Variants in PAPPA observed in about 807,000 individuals in gnomAD.
PAPPA encodes pappalysin 1.
PAPPA carries 60 observed loss-of-function variants against 164.0 expected under a neutral mutation model. The ratio of observed to expected loss-of-function variants is 0.37; its 90% CI spans 0.30 to 0.45. The LOEUF (loss-of-function observed/expected upper bound fraction) is 0.45, where lower values mean the gene tolerates loss of function less well. Among genes scored for constraint, PAPPA ranks in the 20% least tolerant of loss-of-function variants. The probability of loss-of-function intolerance (pLI) is 1.00; values close to 1 mark genes in which losing one functional copy is unlikely to be tolerated. For synonymous variants in PAPPA, 875 were observed against 814.1 expected (o/e 1.07, Z -1.27); for missense variants, 1,782 against 2,087.3 (o/e 0.85, Z 2.85).
chr9:116,361,060 T>A (rs895737800), intron 17 of PAPPA, among the ~76,000 whole-genome samples: 1 of 152,144 alleles, frequency 6.6e-6, no homozygotes, highest in African/African-American at 2.4e-5. Flanking sequence ...CCTTCACAAA[T>A]GCAGGCAATT....
chr9:116,271,449 A>G lies in PAPPA; in HGVS notation c.2953+33A>G, dbSNP rs1845135068. 1 of 1,453,978 alleles carries G rather than the reference A, an allele frequency of 6.9e-7. No individual in the cohort carries two copies. 90.1% of individuals were successfully genotyped at this position (1,453,978 alleles called of 1,614,324 possible). A position where few individuals can be genotyped will look rare whatever the true frequency, so the allele number is the denominator to read the frequency against. Reference sequence around the variant, plus strand: ...TTTTTCATTTCTTGTGGCCTTCATGAAGAAATGAACGGTGCAGAATGGTTG... The same window carrying G: ...TTTTTCATTTCTTGTGGCCTTCATGGAGAAATGAACGGTGCAGAATGGTTG... On this transcript the variant is annotated intron_variant, in intron 9 of 21. Transcript: ENST00000328252. The surrounding 1 kb of genome is among the most constrained non-coding windows in gnomAD (Gnocchi z 4.2).
In PAPPA at chr9:116,239,680, AC is replaced by A. The variant is rs1844713765; in HGVS notation, c.2732+4045del. Among the ~76,000 whole-genome samples, 6 of 152,164 alleles carry A rather than the reference AC, an allele frequency of 3.9e-5. No homozygotes were observed. In the South Asian group the frequency reaches 1.2e-3, roughly 32 times the overall value. ...TTAAATTCAGAGAGTAATTAAACTA[AC>A]CTCATACAGCTAGTAATGACATAGA... On this transcript the variant is annotated intron_variant, in intron 7 of 21. Transcript: ENST00000328252.
chr9:116,211,619 C>T lies in PAPPA; in HGVS notation c.1625-20C>T, dbSNP rs1172693428. Reference sequence around the variant, plus strand: ...AGCAGAGTACCTAGTTTGCCTGATTCTCTGGATTTCCCCTTACAGGTGGCA... The same window carrying T: ...AGCAGAGTACCTAGTTTGCCTGATTTTCTGGATTTCCCCTTACAGGTGGCA... On this transcript the variant is annotated intron_variant, in intron 3 of 21. Coordinates refer to ENST00000328252, the MANE Select transcript of PAPPA (RefSeq NM_002581.5). 1.2e-6 allele frequency: 2 copies of T among 1,608,610 alleles called. No homozygotes were observed. The highest frequency in any genetic ancestry group is 1.7e-6 in the Non-Finnish European group (2 of 1,175,598).
At chr9:116,364,140 AG>A (rs1846467935) in intron 18 of PAPPA, among the ~76,000 whole-genome samples, 1 of 152,230 alleles carries the variant, frequency 6.6e-6, no homozygotes, top group South Asian at 2.1e-4. Context: ...CACCATCCCA[AG>A]GCCAACACTT....
chr9:116,280,501 G>A (rs1200111439), intron 9 of PAPPA, among the ~76,000 whole-genome samples: 1 of 152,206 alleles, frequency 6.6e-6, no homozygotes, highest in Non-Finnish European at 1.5e-5. Context: ...AACTTTTGAA[G>A]AGGGAAAAGC....
intron 21 of PAPPA, among the ~76,000 whole-genome samples, chr9:116,385,043 C>T (rs1052037850): frequency 6.6e-6 from 1 of 151,760 alleles, no homozygotes; most frequent in African/African-American, 2.4e-5. Context: ...AGACCAGCCT[C>T]GCCAAGATGG....
chr9:116,337,167 A>G (rs914803701), intron 13 of PAPPA, among the ~76,000 whole-genome samples: 1 of 152,126 alleles, frequency 6.6e-6, no homozygotes, highest in African/African-American at 2.4e-5. Context: ...GACCCATGTG[A>G]TGATTTATTC....
chr9:116,258,543 C>T (rs1844960692), intron 7 of PAPPA, among the ~76,000 whole-genome samples: 1 of 151,918 alleles, frequency 6.6e-6, no homozygotes, highest in Non-Finnish European at 1.5e-5. Context: ...GTAATCCCAG[C>T]TACTGGGAAG....
intron 15 of PAPPA, among the ~76,000 whole-genome samples, chr9:116,351,764 G>A (rs1349330182): frequency 6.6e-6 from 1 of 152,194 alleles, no homozygotes; most frequent in Non-Finnish European, 1.5e-5. Context: ...CATATCAGAA[G>A]CACTCGGTAC....
intron 10 of PAPPA, among the ~76,000 whole-genome samples, chr9:116,323,523 A>G (rs1387318275): frequency 6.6e-6 from 1 of 152,214 alleles, no homozygotes; most frequent in Non-Finnish European, 1.5e-5. Context: ...GCTATTTTGC[A>G]GCTTCCAATT....
chr9:116,339,129 A>G (rs1176727037), intron 13 of PAPPA, among the ~76,000 whole-genome samples: 2 of 152,226 alleles, frequency 1.3e-5, no homozygotes, highest in Non-Finnish European at 2.9e-5. Context: ...GGTGTTCCAT[A>G]GACCATATTA....
chr9:116,235,103 T>C (rs199570977), intron 6 of PAPPA, 36 bp from the exon 7 acceptor site: 78 of 1,613,048 alleles, frequency 4.8e-5, no homozygotes, highest in Non-Finnish European at 5.7e-5. Flanking sequence ...TAAAGCTCTT[T>C]CCCCAAGAAC....
At chr9:116,163,203 A>T (rs772755051) in intron 1 of PAPPA, among the ~76,000 whole-genome samples, 1 of 152,222 alleles carries the variant, frequency 6.6e-6, no homozygotes, top group African/African-American at 2.4e-5. Context: ...CAGACTATAA[A>T]TGAATAAGCA....
At chr9:116,254,833 A>C (rs1394210401) in intron 7 of PAPPA, among the ~76,000 whole-genome samples, 1 of 151,066 alleles carries the variant, frequency 6.6e-6, no homozygotes. Flanking sequence ...AAGGATCCTG[A>C]CCAAAACGTT....
intron 7 of PAPPA, among the ~76,000 whole-genome samples, chr9:116,240,117 C>G (rs1295712361): frequency 6.6e-6 from 1 of 152,158 alleles, no homozygotes; most frequent in Non-Finnish European, 1.5e-5. Context: ...TAAAGCAAAC[C>G]AGGAACAGTG....
intron 1 of PAPPA, among the ~76,000 whole-genome samples, chr9:116,172,383 C>T (rs1420962642): frequency 6.6e-6 from 1 of 152,190 alleles, no homozygotes; most frequent in Admixed American, 6.5e-5. Flanking sequence ...TGCTAAACCT[C>T]ACCACTATTA....
At chr9:116,394,164 A>T (rs1026195567) in intron 21 of PAPPA, among the ~76,000 whole-genome samples, 3 of 152,146 alleles carry the variant, frequency 2.0e-5, no homozygotes, top group Admixed American at 6.6e-5. Flanking sequence ...GGAGTTAAGG[A>T]CAAGGAGATT....
intron 20 of PAPPA, among the ~76,000 whole-genome samples, chr9:116,378,757 C>A (rs909149156): frequency 1.3e-5 from 2 of 152,182 alleles, no homozygotes; most frequent in Admixed American, 1.3e-4. Context: ...AGCATGATAA[C>A]CACAAAGACA....
chr9:116,240,952 TCA>T (rs1369732281), intron 7 of PAPPA, among the ~76,000 whole-genome samples: 1 of 152,230 alleles, frequency 6.6e-6, no homozygotes, highest in East Asian at 1.9e-4. Flanking sequence ...AATTCTTCTC[TCA>T]CATTCAGACC....
Sources: allele counts gnomAD v4.1 joint callset (sites outside exome capture counted in the v4.1 genomes callset), GRCh38; gene constraint gnomAD v4.1.1; non-coding constraint Gnocchi (gnomAD v3.1); transcripts MANE v1.5; gene names NCBI Gene and HGNC (gene_info 2026-07-23, HGNC 2026-07-21).